AGBL1: variants seen among roughly 807,000 people sequenced by gnomAD.
AGBL1 encodes cytosolic carboxypeptidase 4.
Under a neutral mutation model 118.9 loss-of-function variants are expected in AGBL1, and 130 were observed. The ratio of observed to expected loss-of-function variants is 1.09; its 90% confidence interval spans 0.95 to 1.26. The LOEUF is 1.26. Ranked by LOEUF, AGBL1 falls within the 50% of genes most tolerant of loss-of-function variation. AGBL1 has a pLI of 0.00. For missense variants in AGBL1, 1,584 were observed against 1,298.1 expected, an observed-to-expected ratio of 1.22 and a Z score of -3.38; for synonymous variants, 555 against 478.9, an observed-to-expected ratio of 1.16 and a Z score of -2.08.
intron 13 of AGBL1, 109 bp downstream of exon 13, chr15:86,267,185 C>A: frequency 1.2e-6 from 1 of 830,226 alleles, no homozygotes; most frequent in Non-Finnish European, 2.0e-6. Flanking sequence ...GGCTTGAAAT[C>A]AGCCATGGTG....
At chr15:86,906,733 C>A (rs1024161495) in intron 22 of AGBL1, among the ~76,000 whole-genome samples, 2 of 152,122 alleles carry the variant, frequency 1.3e-5, no homozygotes, top group Non-Finnish European at 2.9e-5. Flanking sequence ...AGGCTGTGCA[C>A]ATCTTCTGAT....
chr15:86,174,105 T>A (rs2077451059), intron 5 of AGBL1, among the ~76,000 whole-genome samples: 2 of 152,142 alleles, frequency 1.3e-5, no homozygotes, highest in Non-Finnish European at 2.9e-5. Flanking sequence ...TTTCCATTTG[T>A]TTGTGTCCTT....
At chr15:86,098,262 A>C (rs549944441) in intron 1 of AGBL1, among the ~76,000 whole-genome samples, 2 of 152,158 alleles carry the variant, frequency 1.3e-5, no homozygotes, top group East Asian at 3.9e-4. Context: ...TTAACAAGTT[A>C]TCTCCTCATT....
At chr15:86,442,242 G>A (rs756554073) in intron 18 of AGBL1, among the ~76,000 whole-genome samples, 2 of 152,180 alleles carry the variant, frequency 1.3e-5, no homozygotes, top group Non-Finnish European at 2.9e-5. Context: ...TGAGGAGCAG[G>A]CTGAGAGTGA....
chr15:86,508,663 C>G (rs971488864), intron 18 of AGBL1, among the ~76,000 whole-genome samples: 4 of 151,854 alleles, frequency 2.6e-5, no homozygotes, highest in African/African-American at 9.7e-5. Context: ...TATTGATGAT[C>G]CAATTAGTCT....
chr15:86,356,889 A>C (rs2080730261), intron 17 of AGBL1, among the ~76,000 whole-genome samples: 1 of 152,240 alleles, frequency 6.6e-6, no homozygotes, highest in African/African-American at 2.4e-5. Flanking sequence ...AGAATTGTCC[A>C]ACATTACACA....
chr15:86,384,234 C>G (rs529862802), intron 17 of AGBL1, among the ~76,000 whole-genome samples: 8 of 152,272 alleles, frequency 5.3e-5, no homozygotes, highest in Admixed American at 3.3e-4. Context: ...ACTCCTGAAG[C>G]TTGAGGGAAT....
intron 18 of AGBL1, among the ~76,000 whole-genome samples, chr15:86,471,481 A>G (rs1297428751): frequency 1.4e-5 from 2 of 147,100 alleles, no homozygotes; most frequent in Admixed American, 1.4e-4. Context: ...TCTGTTAATC[A>G]AGGATATTGG....
intron 9 of AGBL1, among the ~76,000 whole-genome samples, chr15:86,260,095 G>A (rs1051606583): frequency 6.6e-6 from 1 of 152,250 alleles, no homozygotes; most frequent in Non-Finnish European, 1.5e-5. Context: ...GTGTGAGGAT[G>A]AATTGTAGAG....
chr15:86,489,790 A>G (rs2082756953), intron 18 of AGBL1, among the ~76,000 whole-genome samples: 1 of 152,094 alleles, frequency 6.6e-6, no homozygotes, highest in Non-Finnish European at 1.5e-5. Flanking sequence ...TCTGGTCTAG[A>G]TGATTAAGAG....
intron 17 of AGBL1, among the ~76,000 whole-genome samples, chr15:86,329,197 G>T (rs902998583): frequency 7.2e-5 from 11 of 152,104 alleles, no homozygotes; most frequent in African/African-American, 2.7e-4. Context: ...CCCTGAGTTC[G>T]TGGTCCAGCA....
chr15:86,330,388 C>T (rs1212784100), intron 17 of AGBL1, among the ~76,000 whole-genome samples: 1 of 151,784 alleles, frequency 6.6e-6, no homozygotes, highest in East Asian at 1.9e-4. Flanking sequence ...TTGGCAAACC[C>T]AAAAACTCTG....
intron 5 of AGBL1, among the ~76,000 whole-genome samples, chr15:86,198,224 TTATACCTGTCCTAATATTG>T (rs1567120121): frequency 6.6e-6 from 1 of 152,230 alleles, no homozygotes; most frequent in South Asian, 2.1e-4. Flanking sequence ...AATGCCTGTC[TTATACCTGTCCTAATATTG>T]TATTTTCAAT....
chr15:87,023,868 C>A (rs1201881782), intron 24 of AGBL1, among the ~76,000 whole-genome samples: 1 of 151,894 alleles, frequency 6.6e-6, no homozygotes, highest in Non-Finnish European at 1.5e-5. Context: ...TATTAAATAA[C>A]CTGCTTCTGA....
At chr15:86,956,566 T>C (rs2080933936) in intron 23 of AGBL1, among the ~76,000 whole-genome samples, 1 of 152,194 alleles carries the variant, frequency 6.6e-6, no homozygotes, top group Admixed American at 6.6e-5. Flanking sequence ...GGGAAACATC[T>C]GTCTTTGCTC....
chr15:87,010,274 C>T (rs141347738), intron 24 of AGBL1, among the ~76,000 whole-genome samples: 17 of 152,266 alleles, frequency 1.1e-4, no homozygotes, highest in African/African-American at 3.9e-4. Flanking sequence ...CCTGCACAAA[C>T]TCTCTTCACC....
chr15:86,357,759 T>G (rs2080743313), intron 17 of AGBL1, among the ~76,000 whole-genome samples: 1 of 152,168 alleles, frequency 6.6e-6, no homozygotes, highest in Non-Finnish European at 1.5e-5. Context: ...ATTTCCAATC[T>G]GAATCTTTCC....
intron 1 of AGBL1, among the ~76,000 whole-genome samples, chr15:86,103,759 C>G (rs1162924240): frequency 6.6e-6 from 1 of 152,216 alleles, no homozygotes; most frequent in East Asian, 1.9e-4. Context: ...GCTGAGCATG[C>G]CTTTCCTTGG....
At chr15:86,631,839 T>A (rs971133556) in intron 21 of AGBL1, among the ~76,000 whole-genome samples, 1 of 152,180 alleles carries the variant, frequency 6.6e-6, no homozygotes, top group African/African-American at 2.4e-5. Flanking sequence ...CCCCTTTTGT[T>A]GATGGTTTCT....
Sources: allele counts gnomAD v4.1 joint callset (sites outside exome capture counted in the v4.1 genomes callset), GRCh38; gene constraint gnomAD v4.1.1; transcripts MANE v1.5; gene names NCBI Gene and HGNC (gene_info 2026-07-23, HGNC 2026-07-21).